The following CNN1 variants were observed in gnomAD, a reference collection of about 807,000 sequenced individuals.
CNN1 encodes calponin 1, also known as calponin-1.
In CNN1, 21 loss-of-function variants were observed where a neutral mutation model predicts 35.3. That is an observed-to-expected ratio of 0.60 (90% CI 0.42 to 0.86). The LOEUF (loss-of-function observed/expected upper bound fraction) is 0.86. Among genes scored for constraint, CNN1 ranks in the 40% least tolerant of loss-of-function variants. The pLI is 0.00. For missense variants in CNN1, 314 were observed against 400.8 expected (o/e 0.78, Z 1.85); for synonymous variants, 164 against 161.8 (o/e 1.01, Z -0.10).
At chr19:11,548,389 A>G (rs571993722) in intron 5 of CNN1, among the ~76,000 whole-genome samples, 1 of 152,132 alleles carries the variant, frequency 6.6e-6, no homozygotes, top group African/African-American at 2.4e-5. Context: ...CTCTACAACA[A>G]ATTTAAGAGT....
chr19:11,540,041 C>T (rs1482061503), intron 1 of CNN1: 1 of 1,045,212 alleles, frequency 9.6e-7, no homozygotes, highest in Non-Finnish European at 1.2e-6. Flanking sequence ...CCGCCCCTCC[C>T]ACCTCCCCCC....
At chr19:11,539,051 T>C (rs1222475520) in intron 1 of CNN1, 61 bp downstream of exon 1, 8 of 1,404,654 alleles carry the variant, frequency 5.7e-6, no homozygotes, top group South Asian at 1.4e-5. Context: ...AGCCCTGAGC[T>C]TGGGGTCCCT....
chr19:11,547,746 G>C (rs374758911), intron 4 of CNN1, 51 bp from the exon 5 acceptor site: 2 of 1,472,892 alleles, frequency 1.4e-6, no homozygotes, highest in Non-Finnish European at 1.9e-6. Flanking sequence ...CAAGGGGACT[G>C]TGCAGCCTGG....
In CNN1 at chr19:11,538,980, T is replaced by A; in HGVS notation, c.53T>A (p.Val18Asp). The change falls in exon 1 of 7, where the codon GTT (valine) becomes GAT (aspartate). Residue 18 changes from valine (V) to aspartate (D), a missense_variant. Physicochemically the swap from Val to Asp is radical, Grantham distance 152. Transcript: ENST00000252456. ...CCTGCCTACGGGCTGTCAGCCGAGGTTAAGAACAAGGTAGGGCTGGAGGGC... is the reference window on the plus strand; with the variant it reads ...CCTGCCTACGGGCTGTCAGCCGAGGATAAGAACAAGGTAGGGCTGGAGGGC... ...RGPAYGLSAE[V>D]KNKLAQKYDH... The A allele has an allele frequency of 3.8e-6, 6 of 1,595,070 alleles. No individual in the cohort carries two copies. Among genetic ancestry groups the A allele is most frequent in the Admixed American group, 1.7e-5 (1 of 58,534 alleles).
At chr19:11,544,692 C>T (rs8101832) in intron 2 of CNN1, among the ~76,000 whole-genome samples, 2,616 of 137,640 alleles carry the variant, frequency 0.019, 54 homozygotes, top group Admixed American at 0.052. Flanking sequence ...TGTAGAGACA[C>T]GGGTCTCACC....
chr19:11,539,352 C>G, intron 1 of CNN1: 1 of 1,082,112 alleles, frequency 9.2e-7, no homozygotes, highest in Non-Finnish European at 1.1e-6. Flanking sequence ...TTGGGGAGCG[C>G]TTGAGTGCTG....
intron 2 of CNN1, among the ~76,000 whole-genome samples, chr19:11,545,792 C>G (rs1246694783): frequency 7.3e-6 from 1 of 136,222 alleles, no homozygotes; most frequent in African/African-American, 3.0e-5. Flanking sequence ...GAAACCCCCT[C>G]TCTACCAAAA....
At chr19:11,546,764 C>T (rs1972594924) in intron 3 of CNN1, 23 bp downstream of exon 3, 1 of 1,614,214 alleles carries the variant, frequency 6.2e-7, no homozygotes, top group African/African-American at 1.3e-5. Flanking sequence ...ACAATCTCTT[C>T]CATCCTTGCC....
chr19:11,548,621 T>C (rs1402702120), intron 5 of CNN1, among the ~76,000 whole-genome samples: 1 of 151,796 alleles, frequency 6.6e-6, no homozygotes, highest in African/African-American at 2.4e-5. Flanking sequence ...GCGGATCACT[T>C]AAAGTCAAGA....
At chr19:11,540,045 TC>T in intron 1 of CNN1, 2 of 934,452 alleles carry the variant, frequency 2.1e-6, no homozygotes, top group African/African-American at 1.8e-5. Context: ...CCCTCCCACC[TC>T]CCCCCACTCA....
At chr19:11,543,487 AAT>A in intron 2 of CNN1, among the ~76,000 whole-genome samples, 1 of 151,226 alleles carries the variant, frequency 6.6e-6, no homozygotes, top group Admixed American at 6.6e-5. Context: ...TAATAATAAT[AAT>A]AAAAGAGTGG....
Position 11,549,044 on chromosome 19 carries a change from C to T in CNN1, c.502-279C>T, listed in dbSNP as rs1335957171. On this transcript the variant is annotated intron_variant, in intron 5 of 6. Transcript: ENST00000252456. The surrounding 1 kb of genome is among the most constrained non-coding windows in gnomAD (Gnocchi z 5.2). Reference sequence around the variant, plus strand: ...TCTACTAAAAATACAAAAAATTATCCGGGCATGGTGATGCCCACCTGTGAT... The same window carrying T: ...TCTACTAAAAATACAAAAAATTATCTGGGCATGGTGATGCCCACCTGTGAT... 2.6e-5 allele frequency among the ~76,000 whole-genome samples: 4 copies of T among 151,272 alleles called. No individual in the cohort carries two copies. The highest frequency in any genetic ancestry group is 1.3e-4 in the Admixed American group (2 of 15,142).
rs758702735 is a variant in CNN1 at position 11,541,132 on chromosome 19, G to A, written c.120G>A (p.Gly40=). ...REQELREWIE[G]VTGRRIGNNF... ...AGGAGCTGAGAGAGTGGATCGAGGGGGTGACAGGCCGTCGCATCGGCAACA... is the reference window on the plus strand; with the variant it reads ...AGGAGCTGAGAGAGTGGATCGAGGGAGTGACAGGCCGTCGCATCGGCAACA... Residue 40 remains glycine, a synonymous_variant, in exon 2 of 7, where the codon GGG becomes GGA. Coordinates refer to ENST00000252456, the MANE Select transcript of CNN1 (RefSeq NM_001299.6). The A allele has an allele frequency of 2.5e-6, 4 of 1,609,108 alleles. No homozygotes were observed. The highest frequency in any genetic ancestry group is 3.4e-6 in the Non-Finnish European group (4 of 1,177,662).
chr19:11,539,488 C>T (rs1972410588), intron 1 of CNN1: 1 of 1,127,724 alleles, frequency 8.9e-7, no homozygotes, highest in Admixed American at 4.6e-5. Context: ...AGGAAGATAC[C>T]TGGACACCAC....
chr19:11,539,012 G>A, intron 1 of CNN1, 22 bp downstream of exon 1: 1 of 1,561,474 alleles, frequency 6.4e-7, no homozygotes. Flanking sequence ...GGGCCTCCCT[G>A]GCCTGGCCCA....
At chr19:11,545,025 C>T (rs936580093) in intron 2 of CNN1, among the ~76,000 whole-genome samples, 2 of 151,836 alleles carry the variant, frequency 1.3e-5, no homozygotes, top group African/African-American at 4.8e-5. Context: ...ATGGTGAAAC[C>T]GCGTCTCTAC....
chr19:11,546,616 G>A, intron 2 of CNN1, 59 bp from the exon 3 acceptor site: 6 of 1,593,826 alleles, frequency 3.8e-6, no homozygotes, highest in South Asian at 1.1e-5. Context: ...TTACAGGCGT[G>A]AGCCACCGTG....
rs146897323 is a variant in CNN1, at chr19:11,549,360, C to T, written c.539C>T (p.Thr180Met). Residue 180 changes from threonine (T) to methionine (M), a missense_variant, in exon 6 of 7, where the codon ACG becomes ATG. Transcript: ENST00000252456. This position sits in a 1 kb window ranked among gnomAD's most constrained non-coding sequence, Gnocchi z 5.2. ...TNKFASQQGM[T>M]AYGTRRHLYD... ...AAGTTTGCCAGCCAGCAGGGCATGA[C>T]GGCCTATGGCACCCGGCGCCACCTC... The T allele has an allele frequency of 7.0e-5, 113 of 1,614,002 alleles. No homozygotes were observed. The highest frequency in any genetic ancestry group is 9.9e-5 in the South Asian group (9 of 91,086).
At chr19:11,539,720 C>T in intron 1 of CNN1, 2 of 818,838 alleles carry the variant, frequency 2.4e-6, no homozygotes, top group Non-Finnish European at 3.6e-6. Flanking sequence ...GAGGGGAACA[C>T]TGAGGCTCAG....
Sources: allele counts gnomAD v4.1 joint callset (sites outside exome capture counted in the v4.1 genomes callset), GRCh38; gene constraint gnomAD v4.1.1; non-coding constraint Gnocchi (gnomAD v3.1); transcripts MANE v1.5; gene names NCBI Gene and HGNC (gene_info 2026-07-23, HGNC 2026-07-21).